Variants in SHROOM3 observed in about 807,000 individuals in gnomAD.
SHROOM3 encodes the protein shroom family member 3, also known as protein Shroom3.
SHROOM3 carries 47 observed loss-of-function variants against 138.6 expected under a neutral mutation model. That is an observed-to-expected ratio of 0.34 (90% CI 0.27 to 0.43). The LOEUF (loss-of-function observed/expected upper bound fraction) is 0.43. SHROOM3 is among the 20% of genes least tolerant of loss of function. SHROOM3 has a pLI of 1.00. For missense variants in SHROOM3, 2,491 were observed against 2,596.5 expected, an observed-to-expected ratio of 0.96 and a Z score of 0.88; for synonymous variants, 1,062 against 1,063.3, an observed-to-expected ratio of 1.00 and a Z score of 0.02.
chr4:76,612,290 T>A (rs1410537081), intron 2 of SHROOM3, among the ~76,000 whole-genome samples: 2 of 152,240 alleles, frequency 1.3e-5, no homozygotes, highest in Non-Finnish European at 2.9e-5. Flanking sequence ...TGGAAGATGA[T>A]ATTAGTTATA....
At chr4:76,761,683 TGAGATTA>T (rs1721992144) in intron 9 of SHROOM3, among the ~76,000 whole-genome samples, 1 of 152,160 alleles carries the variant, frequency 6.6e-6, no homozygotes, top group Non-Finnish European at 1.5e-5. Flanking sequence ...AGCTAGAGTT[TGAGATTA>T]AAACCAGTTA....
intron 2 of SHROOM3, among the ~76,000 whole-genome samples, chr4:76,612,508 G>A (rs1167362434): frequency 6.6e-6 from 1 of 152,098 alleles, no homozygotes; most frequent in African/African-American, 2.4e-5. Context: ...ACTTAAAAGT[G>A]TTTTCTTTTG....
intron 1 of SHROOM3, among the ~76,000 whole-genome samples, chr4:76,478,085 A>AT (rs1278470577): frequency 5.3e-5 from 8 of 152,144 alleles, no homozygotes; most frequent in Middle Eastern, 6.8e-3. Context: ...ACAGGAGTTT[A>AT]TTTTTCATAC....
chr4:76,517,233 T>C (rs1732461755), intron 1 of SHROOM3, among the ~76,000 whole-genome samples: 1 of 152,188 alleles, frequency 6.6e-6, no homozygotes, highest in Non-Finnish European at 1.5e-5. Context: ...TGTCTGCCCA[T>C]CTTGGGTCAT....
At chr4:76,495,917 A>G (rs1731958097) in intron 1 of SHROOM3, among the ~76,000 whole-genome samples, 2 of 152,196 alleles carry the variant, frequency 1.3e-5, no homozygotes, top group African/African-American at 4.8e-5. Context: ...GGCGGATGCC[A>G]TAGGAAGTCA....
chr4:76,502,267 A>G (rs1166198707), intron 1 of SHROOM3, among the ~76,000 whole-genome samples: 1 of 152,192 alleles, frequency 6.6e-6, no homozygotes, highest in Non-Finnish European at 1.5e-5. Context: ...TAAATTAGGC[A>G]GTTTCAGATA....
At chr4:76,526,148 A>G (rs1171095567) in intron 1 of SHROOM3, among the ~76,000 whole-genome samples, 1 of 152,166 alleles carries the variant, frequency 6.6e-6, no homozygotes, top group Non-Finnish European at 1.5e-5. Context: ...CAGGTGGATC[A>G]CCTGAGGTCA....
chr4:76,446,325 TAA>T (rs3041169), intron 1 of SHROOM3, among the ~76,000 whole-genome samples: 39,078 of 143,112 alleles, frequency 0.27, 5,514 homozygotes, highest in Non-Finnish European at 0.33. Context: ...GATAAACTGG[TAA>T]AAAAAAAAAA....
intron 1 of SHROOM3, among the ~76,000 whole-genome samples, chr4:76,529,147 A>G (rs533856668): frequency 6.6e-6 from 1 of 152,274 alleles, no homozygotes; most frequent in Admixed American, 6.5e-5. Flanking sequence ...AACCATGGGA[A>G]AAATTCAGAT....
intron 2 of SHROOM3, among the ~76,000 whole-genome samples, chr4:76,596,638 G>A (rs903225427): frequency 2.1e-5 from 3 of 141,286 alleles, no homozygotes; most frequent in Admixed American, 7.1e-5. Flanking sequence ...TCCAACAGAT[G>A]CTGCCTCTCC....
In SHROOM3 at chr4:76,740,011, C is replaced by T. The variant is rs576535579; in HGVS notation, c.1838C>T (p.Ala613Val). Residue 613 changes from alanine (A) to valine (V), a missense_variant, in exon 5 of 11, where the codon GCG becomes GTG. Around this residue, in one of 4 missense-constraint regions of SHROOM3, gnomAD observed 1,733 missense variants for 1,661.6 expected, o/e 1.04. Transcript: ENST00000296043. The surrounding 1 kb of genome is among the most constrained non-coding windows in gnomAD (Gnocchi z 4.0). ...TGCCCTCAGGCTCAGGCCTGGCAAG[C>T]GGGTGAAGACAAGAGATCTTCCAGG... ...LKCPQAQAWQ[A>V]GEDKRSSRLS... is the part of the protein sequence containing the mutation. 2.0e-5 allele frequency: 32 copies of T among 1,613,948 alleles called. No homozygotes were observed. The highest frequency in any genetic ancestry group is 1.2e-4 in the African/African-American group (9 of 75,058).
rs1720989371 is a variant in SHROOM3, at chr4:76,734,873, A to C, written c.588-3888A>C. 1.3e-5 allele frequency among the ~76,000 whole-genome samples: 2 copies of C among 152,332 alleles called. 1 individual carries two copies. Among genetic ancestry groups the C allele is most frequent in the South Asian group, 4.2e-4 (2 of 4,816 alleles). ...AGTGGTAAGTGCTGTGAAGAAAATA[A>C]AGCAGGGTAACAGGCATAAAGGAGA... On this transcript the variant is annotated intron_variant, in intron 4 of 10. Transcript: ENST00000296043.
chr4:76,691,865 ATTC>A (rs1719559871), intron 2 of SHROOM3, among the ~76,000 whole-genome samples: 1 of 152,138 alleles, frequency 6.6e-6, no homozygotes, highest in East Asian at 1.9e-4. Context: ...AAAATCAATT[ATTC>A]TTGTAAGTTC....
At chr4:76,604,485 T>G (rs557343615) in intron 2 of SHROOM3, among the ~76,000 whole-genome samples, 1 of 152,356 alleles carries the variant, frequency 6.6e-6, no homozygotes, top group Admixed American at 6.5e-5. Flanking sequence ...GCTTTTGAGC[T>G]TAACTAAATT....
chr4:76,548,564 A>G (rs1240272610), intron 1 of SHROOM3, among the ~76,000 whole-genome samples: 1 of 152,200 alleles, frequency 6.6e-6, no homozygotes, highest in Non-Finnish European at 1.5e-5. Flanking sequence ...CTCTCATCAC[A>G]GTGTATATCA....
intron 2 of SHROOM3, among the ~76,000 whole-genome samples, chr4:76,677,525 A>G (rs1719072671): frequency 6.6e-6 from 1 of 152,246 alleles, no homozygotes; most frequent in Non-Finnish European, 1.5e-5. Context: ...ATGACCAGGC[A>G]GCACAAAATA....
chr4:76,532,263 G>C (rs1014285898), intron 1 of SHROOM3: 1 of 152,226 alleles, frequency 6.6e-6, no homozygotes, highest in Non-Finnish European at 1.5e-5. Flanking sequence ...TCATCCTTGC[G>C]TGGGGGCCAT....
rs907969526 is a variant in SHROOM3, at chr4:76,675,107, C to T, written c.324-35049C>T. 2.0e-5 allele frequency among the ~76,000 whole-genome samples: 3 copies of T among 152,292 alleles called. No individual in the cohort carries two copies. In the East Asian group the frequency reaches 5.8e-4, roughly 29 times the overall value. On this transcript the variant is annotated intron_variant, in intron 2 of 10. Transcript: ENST00000296043. ...GTTCTGTCAGATTTATTCATTCCTACACATGAGGAAGAGACCAATGTTCCC... is the reference window on the plus strand; with the variant it reads ...GTTCTGTCAGATTTATTCATTCCTATACATGAGGAAGAGACCAATGTTCCC...
chr4:76,467,139 C>T (rs1267816506), intron 1 of SHROOM3, among the ~76,000 whole-genome samples: 1 of 151,020 alleles, frequency 6.6e-6, no homozygotes, highest in African/African-American at 2.4e-5. Flanking sequence ...ACCCTCTGGG[C>T]TCAAGTGATC....
Sources: gnomAD v4.1 joint callset for allele counts (sites outside exome capture counted in the v4.1 genomes callset) on GRCh38, gnomAD v4.1.1 for gene constraint, gnomAD v4.1.1 regional missense constraint, Gnocchi (gnomAD v3.1) non-coding constraint, MANE v1.5 for transcripts, NCBI Gene and HGNC (gene_info 2026-07-23, HGNC 2026-07-21) for gene names.